ELOA: variants seen among roughly 807,000 people sequenced by gnomAD.
The protein encoded by ELOA is elongin-A.
In ELOA, 15 loss-of-function variants were observed where a neutral mutation model predicts 85.2. The observed-to-expected ratio is 0.18, with a 90% CI of 0.12 to 0.27. The LOEUF (loss-of-function observed/expected upper bound fraction) is 0.27, where lower values mean the gene tolerates loss of function less well. Among genes scored for constraint, ELOA ranks in the 10% least tolerant of loss-of-function variants. The probability of loss-of-function intolerance (pLI) is 1.00; values close to 1 mark genes in which losing one functional copy is unlikely to be tolerated. For missense variants in ELOA, 769 were observed against 952.7 expected, an observed-to-expected ratio of 0.81 and a Z score of 2.54; for synonymous variants, 348 against 357.2, an observed-to-expected ratio of 0.97 and a Z score of 0.29.
At chr1:23,752,563 A>G (rs1171970600) in intron 5 of ELOA, 45 bp downstream of exon 5, 1 of 1,557,922 alleles carries the variant, frequency 6.4e-7, no homozygotes, top group South Asian at 1.2e-5. Context: ...AAAGATTTAA[A>G]AATTCATTCA....
chr1:23,751,176 G>C lies in ELOA; in HGVS notation c.571G>C (p.Val191Leu). 6.2e-7 allele frequency: 1 copy of C among 1,614,140 alleles called. No homozygotes were observed. Among genetic ancestry groups the C allele is most frequent in the Non-Finnish European group, 8.5e-7 (1 of 1,180,030 alleles). The stretch of plus-strand genomic sequence containing the variant: ...TTGTACCAGTCCTCATCAGATGTAC[G>C]TCGACCACTACAGATCCCTGGAGGA... ...PSCTSPHQMY[V>L]DHYRSLEEDQ... The change falls in exon 4 of 11, where the codon GTC becomes CTC. Residue 191 changes from valine (V) to leucine (L), a missense_variant. By Grantham distance (32) the Val-to-Leu change is conservative (BLOSUM62 1). Around this residue, in one of 4 missense-constraint regions of ELOA, gnomAD observed 440 missense variants for 474.0 expected, o/e 0.93. Transcript: ENST00000613537.
Position 23,759,552 on chromosome 1 carries a change from G to A in ELOA, c.2298G>A (p.Lys766=), listed in dbSNP as rs750133174. The A allele has an allele frequency of 1.2e-6, 2 of 1,614,180 alleles. No individual in the cohort carries two copies. Among genetic ancestry groups the A allele is most frequent in the Admixed American group, 3.3e-5 (2 of 60,024 alleles). ...PMMAKTIKAF[K]NRFSRR is the part of the protein sequence containing the mutation. ...TGGCCAAGACAATTAAAGCTTTCAA[G>A]AACAGATTCTCCCGACGATAAACTG... is the stretch of plus-strand genomic sequence containing the variant. Residue 766 remains lysine, a synonymous_variant, in exon 11 of 11, where the codon AAG becomes AAA. Transcript: ENST00000613537.
intron 7 of ELOA, among the ~76,000 whole-genome samples, chr1:23,755,388 G>A (rs1644789710): frequency 6.6e-6 from 1 of 152,146 alleles, no homozygotes; most frequent in African/African-American, 2.4e-5. Context: ...AATTTAGGGA[G>A]TTATTTTTTT....
intron 10 of ELOA, 54 bp downstream of exon 10, chr1:23,757,179 C>G (rs1197687832): frequency 1.3e-6 from 2 of 1,481,686 alleles, no homozygotes; most frequent in African/African-American, 2.8e-5. Flanking sequence ...GTTTTTAACT[C>G]TCAATGTCAT....
Position 23,751,890 on chromosome 1 carries a change from A to G in ELOA, c.1285A>G (p.Thr429Ala), listed in dbSNP as rs1386216347. 5 of 1,614,018 alleles carry G rather than the reference A, an allele frequency of 3.1e-6. No homozygotes were observed. The highest frequency in any genetic ancestry group is 4.2e-6 in the Non-Finnish European group (5 of 1,180,034). The change falls in exon 4 of 11, where the codon ACG (threonine) becomes GCG (alanine). Residue 429 changes from threonine (T) to alanine (A), a missense_variant. Coordinates refer to ENST00000613537, the MANE Select transcript of ELOA (RefSeq NM_003198.3). ...GAAAAAGATTGTGAAAACTTCAGCC[A>G]CGGCACTTGGAGATAAAGGACTTAA... Reference protein sequence around the residue: ...KKKKIVKTSATALGDKGLKKN... With the variant: ...KKKKIVKTSAAALGDKGLKKN...
Position 23,754,193 on chromosome 1 carries a change from A to G in ELOA, c.1631A>G (p.Tyr544Cys), listed in dbSNP as rs368056391. Residue 544 changes from tyrosine (Y) to cysteine (C), a missense_variant, in exon 6 of 11, where the codon TAT (tyrosine) becomes TGT (cysteine). Transcript: ENST00000613537. ...MQVYSGSKCA[Y>C]LPKMMTLHQQ... ...GTGTATTCTGGTTCCAAGTGTGCCT[A>G]TCTCCCTAAAATGATGACCTTGCAC... is the stretch of plus-strand genomic sequence containing the variant. 2.0e-5 allele frequency: 32 copies of G among 1,614,062 alleles called. No individual in the cohort carries two copies. The highest frequency in any genetic ancestry group is 1.6e-4 in the Middle Eastern group (1 of 6,084).
At chr1:23,755,786 A>G (rs1644791675) in intron 7 of ELOA, 57 bp from the exon 8 acceptor site, 1 of 1,527,556 alleles carries the variant, frequency 6.5e-7, no homozygotes. Flanking sequence ...TCTCAAAAAA[A>G]AAAAAAAAAT....
At chr1:23,749,477 T>TAGTCCCAGATTCAAATCTGAGTTC (rs1644759832) in intron 2 of ELOA, among the ~76,000 whole-genome samples, 1 of 152,232 alleles carries the variant, frequency 6.6e-6, no homozygotes, top group African/African-American at 2.4e-5. Flanking sequence ...TGGCATCAAT[T>TAGTCCCAGATTCAAATCTGAGTTC]AGTCCCAGAT....
intron 3 of ELOA, among the ~76,000 whole-genome samples, chr1:23,750,387 G>A (rs919232704): frequency 7.2e-5 from 11 of 151,972 alleles, no homozygotes; most frequent in Admixed American, 2.6e-4. Context: ...GTATTAGCCA[G>A]GATAGGATGG....
chr1:23,755,910 C>T lies in ELOA; in HGVS notation c.1859C>T (p.Pro620Leu), dbSNP rs896340303. 2 of 1,613,184 alleles carry T rather than the reference C, an allele frequency of 1.2e-6. No individual in the cohort carries two copies. Among genetic ancestry groups the T allele is most frequent in the African/African-American group, 2.7e-5 (2 of 74,696 alleles). Residue 620 changes from proline to leucine, a missense_variant, in exon 8 of 11, where the codon CCC becomes CTC. Around this residue, in one of 4 missense-constraint regions of ELOA, gnomAD observed 193 missense variants for 278.9 expected, o/e 0.69. Coordinates refer to ENST00000613537, the MANE Select transcript of ELOA (RefSeq NM_003198.3). ...HCHRDFKEER[P>L]EEYESWREMY... Reference sequence around the variant, plus strand: ...CACCGAGACTTTAAGGAAGAAAGACCCGAAGAGTATGAGTCGTGGCGAGAG... The same window carrying T: ...CACCGAGACTTTAAGGAAGAAAGACTCGAAGAGTATGAGTCGTGGCGAGAG...
chr1:23,758,174 T>G (rs550026803), intron 10 of ELOA, among the ~76,000 whole-genome samples: 2 of 150,016 alleles, frequency 1.3e-5, no homozygotes, highest in Non-Finnish European at 3.0e-5. Flanking sequence ...TGACAGGCCC[T>G]CTTACTGTTT....
Position 23,759,733 on chromosome 1 carries a change from G to T in ELOA, c.*160G>T. 2.8e-6 allele frequency: 2 copies of T among 710,758 alleles called. No homozygotes were observed. Among genetic ancestry groups the T allele is most frequent in the Non-Finnish European group, 4.8e-6 (2 of 420,078 alleles). 44.0% of individuals were successfully genotyped at this position (710,758 alleles called of 1,614,324 possible). ...AGGTGCTGCCCCTGGGAACCTGCGT[G>T]CCACAGCCCCGCCTCCCTGCCTGGA... On this transcript the variant is annotated 3_prime_UTR_variant, in exon 11 of 11. Transcript: ENST00000613537.
chr1:23,754,846 A>T (rs1368124983), intron 7 of ELOA, among the ~76,000 whole-genome samples: 1 of 151,846 alleles, frequency 6.6e-6, no homozygotes, highest in African/African-American at 2.4e-5. Flanking sequence ...AAACATCAAG[A>T]TTTATCCAGA....
chr1:23,744,009 G>T (rs756575047), intron 1 of ELOA: 1 of 155,938 alleles, frequency 6.4e-6, no homozygotes, highest in East Asian at 1.9e-4. Context: ...GTGCGTGTTC[G>T]CTGGGAGGAG....
chr1:23,761,161 C>G lies in ELOA; in HGVS notation c.*1588C>G, dbSNP rs1371809446. 1.3e-5 allele frequency: 2 copies of G among 152,126 alleles called. No homozygotes were observed. Among genetic ancestry groups the G allele is most frequent in the Non-Finnish European group, 2.9e-5 (2 of 68,032 alleles). The allele number at this position is 152,126 out of a possible 1,614,324, so 9.4% of individuals were successfully genotyped here. On this transcript the variant is annotated 3_prime_UTR_variant, in exon 11 of 11. Transcript: ENST00000613537. ...TTGCTGTGCAGGGTGCCTATTGTGACAGGACACAAATGTTACTATGTTTTA... is the reference window on the plus strand; with the variant it reads ...TTGCTGTGCAGGGTGCCTATTGTGAGAGGACACAAATGTTACTATGTTTTA...
chr1:23,753,233 G>T (rs1214822821), intron 5 of ELOA, among the ~76,000 whole-genome samples: 1 of 152,186 alleles, frequency 6.6e-6, no homozygotes, highest in Non-Finnish European at 1.5e-5. Flanking sequence ...GATGGCTTGG[G>T]TTTGAATCCC....
intron 3 of ELOA, 130 bp downstream of exon 3, chr1:23,750,078 A>G (rs1644762229): frequency 1.7e-6 from 1 of 603,314 alleles, no homozygotes; most frequent in East Asian, 3.1e-5. Context: ...ATCCATGATC[A>G]TTGTAGAATA....
chr1:23,751,513 A>G lies in ELOA; in HGVS notation c.908A>G (p.Asp303Gly), dbSNP rs1329636811. The G allele has an allele frequency of 1.2e-6, 2 of 1,614,110 alleles. No individual in the cohort carries two copies. The highest frequency in any genetic ancestry group is 2.2e-5 in the South Asian group (2 of 91,088). Reference sequence around the variant, plus strand: ...TCTAGTGGCGTAAAGAAAGAGAAGGACAGAGAGGGCAGCAGCCTGAAGAAG... The same window carrying G: ...TCTAGTGGCGTAAAGAAAGAGAAGGGCAGAGAGGGCAGCAGCCTGAAGAAG... ...PPSSGVKKEKDREGSSLKKKC... is the reference protein window; with the variant it reads ...PPSSGVKKEKGREGSSLKKKC... Residue 303 changes from aspartate (D) to glycine (G), a missense_variant, in exon 4 of 11, where the codon GAC becomes GGC. By Grantham distance (94) the Asp-to-Gly change is moderately conservative. Coordinates refer to ENST00000613537, the MANE Select transcript of ELOA (RefSeq NM_003198.3).
chr1:23,744,662 A>C (rs1021505724), intron 1 of ELOA, among the ~76,000 whole-genome samples: 3 of 152,146 alleles, frequency 2.0e-5, no homozygotes, highest in African/African-American at 7.2e-5. Flanking sequence ...CATCTTGGCC[A>C]GGCTGGTCTT....
Sources: gnomAD v4.1 joint callset for allele counts (sites outside exome capture counted in the v4.1 genomes callset) on GRCh38, gnomAD v4.1.1 for gene constraint, gnomAD v4.1.1 regional missense constraint, MANE v1.5 for transcripts, NCBI Gene and HGNC (gene_info 2026-07-23, HGNC 2026-07-21) for gene names.